FLNB: variants seen among roughly 807,000 people sequenced by gnomAD.
FLNB encodes the protein filamin B, also known as filamin-B.
Under a neutral mutation model 250.6 loss-of-function variants are expected in FLNB, and 111 were observed. That is an observed-to-expected ratio of 0.44 (90% CI 0.38 to 0.52). The LOEUF (loss-of-function observed/expected upper bound fraction) is 0.52. FLNB is among the 20% of genes least tolerant of loss of function. The pLI is 0.00. For missense variants in FLNB, 2,869 were observed against 3,447.8 expected (o/e 0.83, Z 4.20); for synonymous variants, 1,302 against 1,372.1 (o/e 0.95, Z 1.13).
chr3:58,092,518 C>A (rs756045276), intron 4 of FLNB, among the ~76,000 whole-genome samples: 1 of 152,108 alleles, frequency 6.6e-6, no homozygotes, highest in Non-Finnish European at 1.5e-5. Flanking sequence ...TGGTGGTATG[C>A]ACCTGTGGTC....
chr3:58,149,816 G>A (rs375141385), intron 36 of FLNB, 34 bp from the exon 37 acceptor site: 2 of 1,614,024 alleles, frequency 1.2e-6, no homozygotes, highest in African/African-American at 2.7e-5. Flanking sequence ...CTGAGGAGCT[G>A]CTGTCAGAAC....
intron 1 of FLNB, among the ~76,000 whole-genome samples, chr3:58,058,273 C>G (rs114212362): frequency 1.3e-5 from 2 of 152,118 alleles, no homozygotes; most frequent in Non-Finnish European, 2.9e-5. Context: ...TAGAGTGAAG[C>G]GGCAGTTGGC....
At chr3:58,060,476 C>A (rs1177709879) in intron 1 of FLNB, among the ~76,000 whole-genome samples, 1 of 151,680 alleles carries the variant, frequency 6.6e-6, no homozygotes, top group African/African-American at 2.4e-5. Context: ...CCTCAGCCTC[C>A]CAAGTAGCTG....
At chr3:58,167,588 C>G (rs190218629) in intron 43 of FLNB, among the ~76,000 whole-genome samples, 12 of 152,336 alleles carry the variant, frequency 7.9e-5, no homozygotes, top group African/African-American at 2.9e-4. Flanking sequence ...GAAGGAGGCT[C>G]TCCCTGGGCC....
chr3:58,035,784 C>T (rs989407076), intron 1 of FLNB, among the ~76,000 whole-genome samples: 3 of 152,152 alleles, frequency 2.0e-5, no homozygotes, highest in Non-Finnish European at 2.9e-5. Flanking sequence ...CTCTTGATCA[C>T]GGCCTTAGCT....
At position 58,170,832 on chromosome 3, in the gene FLNB, A is replaced by C; in HGVS notation, c.*70A>C. On this transcript the variant is annotated 3_prime_UTR_variant, in exon 46 of 46. Coordinates refer to ENST00000295956, the MANE Select transcript of FLNB (RefSeq NM_001457.4). ...GTTGCTTGTTTGTAATTCATTTTAT[A>C]CAAAGCCCTCCAGCCTGTTTGTGGG... The C allele has an allele frequency of 7.0e-7, 1 of 1,431,692 alleles. No individual in the cohort carries two copies. Among genetic ancestry groups the C allele is most frequent in the Non-Finnish European group, 9.7e-7 (1 of 1,031,204 alleles). 88.7% of individuals were successfully genotyped at this position (1,431,692 alleles called of 1,614,324 possible).
chr3:58,040,563 C>T (rs549986568), intron 1 of FLNB, among the ~76,000 whole-genome samples: 9 of 152,306 alleles, frequency 5.9e-5, no homozygotes, highest in South Asian at 4.2e-4. Context: ...GGCCTGATCT[C>T]GGCTCACTGC....
At chr3:58,103,528 A>G (rs1011850689) in intron 9 of FLNB, among the ~76,000 whole-genome samples, 2 of 152,218 alleles carry the variant, frequency 1.3e-5, no homozygotes, top group African/African-American at 4.8e-5. Flanking sequence ...GGAAAAGTAT[A>G]CGCTGGAACA....
intron 1 of FLNB, among the ~76,000 whole-genome samples, chr3:58,020,377 TAG>T (rs371716794): frequency 1.2e-4 from 18 of 152,116 alleles, no homozygotes; most frequent in African/African-American, 4.1e-4. Flanking sequence ...CATCTGCAGG[TAG>T]CCTCGTGCTG....
At chr3:58,110,237 A>G (rs1357415597) in intron 16 of FLNB, 67 bp downstream of exon 16, 44 of 1,480,026 alleles carry the variant, frequency 3.0e-5, no homozygotes, top group Middle Eastern at 1.8e-4. Flanking sequence ...ACTTGTGTGC[A>G]TGTCTCATCT....
intron 1 of FLNB, among the ~76,000 whole-genome samples, chr3:58,075,649 T>C (rs2097200682): frequency 6.6e-6 from 1 of 152,194 alleles, no homozygotes; most frequent in African/African-American, 2.4e-5. Flanking sequence ...TCTGGGGTTA[T>C]GTGAACAGTG....
In FLNB at chr3:58,141,857, G is replaced by A. The variant is rs772444561; in HGVS notation, c.5110-1G>A. 1.9e-6 allele frequency: 3 copies of A among 1,614,070 alleles called. No individual in the cohort carries two copies. The East Asian group carries it at 6.7e-5, about 36-fold the overall frequency. On this transcript the variant is annotated splice_acceptor_variant, in intron 29 of 45. Transcript: ENST00000295956. LOFTEE classifies it high-confidence loss of function. ...ACTAATCTCCATTTGCCACTGACCA[G>A]GCCACAGATGGGGAAGTCACAGCCG... is the stretch of plus-strand genomic sequence containing the variant.
At chr3:58,137,767 C>T (rs372480427) in intron 28 of FLNB, among the ~76,000 whole-genome samples, 14 of 152,294 alleles carry the variant, frequency 9.2e-5, no homozygotes, top group South Asian at 4.1e-4. Flanking sequence ...TTTGTCAGTG[C>T]GGCAACCCTG....
chr3:58,092,607 C>T (rs1050825518), intron 4 of FLNB, among the ~76,000 whole-genome samples: 1 of 152,176 alleles, frequency 6.6e-6, no homozygotes, highest in East Asian at 1.9e-4. Flanking sequence ...AATTGTGCCA[C>T]TGTGCTCCAG....
At chr3:58,126,984 T>C (rs1328199430) in intron 24 of FLNB, among the ~76,000 whole-genome samples, 1 of 152,154 alleles carries the variant, frequency 6.6e-6, no homozygotes, top group Non-Finnish European at 1.5e-5. Context: ...GAAACAGTTG[T>C]GCGTGTGTTG....
At position 58,132,794 on chromosome 3, in the gene FLNB, A is replaced by T. The variant is rs1322154542; in HGVS notation, c.4391-14A>T. 1 of 1,613,854 alleles carries T rather than the reference A, an allele frequency of 6.2e-7. No homozygotes were observed. Among genetic ancestry groups the T allele is most frequent in the Admixed American group, 1.7e-5 (1 of 59,994 alleles). On this transcript the variant is annotated splice_polypyrimidine_tract_variant and intron_variant, in intron 25 of 45. Coordinates refer to ENST00000295956, the MANE Select transcript of FLNB (RefSeq NM_001457.4). Reference sequence around the variant, plus strand: ...GGCCAGGCAGCTCCTTAAACCTCTCATCTCTGTCCTCAGGCTTGGTGGAGC... The same window carrying T: ...GGCCAGGCAGCTCCTTAAACCTCTCTTCTCTGTCCTCAGGCTTGGTGGAGC...
At chr3:58,150,331 C>T in intron 38 of FLNB, 104 bp downstream of exon 38, 1 of 1,342,612 alleles carries the variant, frequency 7.4e-7, no homozygotes, top group Non-Finnish European at 1.1e-6. Flanking sequence ...ACACAGTATC[C>T]AAGTCGGCTG....
intron 4 of FLNB, among the ~76,000 whole-genome samples, chr3:58,085,066 T>C (rs1015504372): frequency 2.6e-5 from 4 of 152,256 alleles, no homozygotes; most frequent in East Asian, 1.9e-4. Context: ...ATTTTGCTTA[T>C]ACATTCGTCT....
chr3:58,131,943 C>T, intron 25 of FLNB: 2 of 1,537,120 alleles, frequency 1.3e-6, no homozygotes, highest in Non-Finnish European at 1.7e-6. Context: ...ACACGGATTC[C>T]CAGTCATGGC....
Sources: allele counts gnomAD v4.1 joint callset (sites outside exome capture counted in the v4.1 genomes callset), GRCh38; gene constraint gnomAD v4.1.1; transcripts MANE v1.5; gene names NCBI Gene and HGNC (gene_info 2026-07-23, HGNC 2026-07-21).